Variants in EPHA5 observed in about 807,000 individuals in gnomAD.
EPHA5 encodes the protein ephrin type-A receptor 5.
A neutral mutation model predicts 105.0 loss-of-function variants in EPHA5; 60 were observed. That is an observed-to-expected ratio of 0.57 (90% CI 0.46 to 0.71). The LOEUF (loss-of-function observed/expected upper bound fraction) is 0.71, where lower values mean the gene tolerates loss of function less well. Among genes scored for constraint, EPHA5 ranks in the 30% least tolerant of loss-of-function variants. The pLI is 0.00. For missense variants in EPHA5, 1,218 were observed against 1,274.7 expected (o/e 0.96, Z 0.68); for synonymous variants, 513 against 449.1 (o/e 1.14, Z -1.80).
chr4:65,440,868 A>AGAGCAAAGAAATTGAGGAGGCTGCTTT (rs1354802417), intron 5 of EPHA5, among the ~76,000 whole-genome samples: 2 of 152,108 alleles, frequency 1.3e-5, no homozygotes, highest in African/African-American at 4.8e-5. Flanking sequence ...TTGGGGAAGA[A>AGAGCAAAGAAATTGAGGAGGCTGCTTT]GAGCAAAGAA....
At chr4:65,352,996 A>G (rs934937315) in intron 12 of EPHA5, 46 bp downstream of exon 12, 2 of 1,306,714 alleles carry the variant, frequency 1.5e-6, no homozygotes, top group Non-Finnish European at 2.1e-6. Flanking sequence ...CAACATCACA[A>G]TATATAAATA....
Position 65,495,424 on chromosome 4 carries a change from T to C in EPHA5, c.1030A>G (p.Arg344Gly), listed in dbSNP as rs1731828750. The C allele has an allele frequency of 1.2e-6, 2 of 1,613,606 alleles. No individual in the cohort carries two copies. The change falls in exon 4 of 17, where the codon AGG becomes GGG. Residue 344 changes from arginine to glycine, a missense_variant. By Grantham distance (125) the Arg-to-Gly change is moderately radical. This residue lies in a region of EPHA5 where 971 missense variants were observed against 1,013.5 expected (regional missense o/e 0.96). Transcript: ENST00000613740. Reference protein sequence around the residue: ...TSCVCEKDYFRRESDPPTMAC... With the variant: ...TSCVCEKDYFGRESDPPTMAC... ...ATTGTGGGTGGATCAGACTCTCTCC[T>C]GAAATAATCCTTTTCACAGACACAA...
At chr4:65,621,003 T>A (rs1381424139) in intron 2 of EPHA5, among the ~76,000 whole-genome samples, 1 of 152,174 alleles carries the variant, frequency 6.6e-6, no homozygotes. Context: ...CAGACATTTA[T>A]ATGTATCTCT....
At chr4:65,635,596 A>G (rs1034703113) in intron 2 of EPHA5, among the ~76,000 whole-genome samples, 3 of 152,114 alleles carry the variant, frequency 2.0e-5, no homozygotes, top group Non-Finnish European at 4.4e-5. Context: ...ACAACAGCTT[A>G]CAGAAAAAAA....
chr4:65,592,660 G>A (rs912961748), intron 3 of EPHA5, among the ~76,000 whole-genome samples: 40 of 152,066 alleles, frequency 2.6e-4, no homozygotes, highest in African/African-American at 9.4e-4. Context: ...GTGAGGTTTC[G>A]GGATGCAAAT....
chr4:65,565,019 T>C (rs1377664731), intron 3 of EPHA5, among the ~76,000 whole-genome samples: 2 of 151,714 alleles, frequency 1.3e-5, no homozygotes, highest in Admixed American at 6.6e-5. Flanking sequence ...ATAAATATTA[T>C]ACAGTTAATT....
At chr4:65,448,140 T>C (rs1311618452) in intron 5 of EPHA5, among the ~76,000 whole-genome samples, 1 of 151,428 alleles carries the variant, frequency 6.6e-6, no homozygotes, top group East Asian at 1.9e-4. Context: ...GAAAGTAAGA[T>C]GATGTATAAA....
intron 6 of EPHA5, among the ~76,000 whole-genome samples, chr4:65,418,253 A>G (rs1723582980): frequency 6.6e-6 from 1 of 152,204 alleles, no homozygotes; most frequent in Non-Finnish European, 1.5e-5. Context: ...GCATCAGTAT[A>G]GAGTAACAAA....
At chr4:65,465,480 A>AG (rs1728555312) in intron 5 of EPHA5, among the ~76,000 whole-genome samples, 1 of 85,116 alleles carries the variant, frequency 1.2e-5, no homozygotes, top group South Asian at 3.7e-4. Context: ...AGAAAGAAAG[A>AG]AAGAAAGAAA....
At chr4:65,635,211 GT>G (rs2149498235) in intron 2 of EPHA5, among the ~76,000 whole-genome samples, 1 of 152,160 alleles carries the variant, frequency 6.6e-6, no homozygotes, top group Admixed American at 6.6e-5. Flanking sequence ...ATAAACTCCT[GT>G]TTTGAAGTAT....
intron 15 of EPHA5, among the ~76,000 whole-genome samples, chr4:65,333,539 CTGTGTGTGTGTG>C (rs56925203): frequency 0.3 from 33,433 of 111,512 alleles, 4,891 homozygotes; most frequent in East Asian, 0.48. Context: ...GAGTGTGTGT[CTGTGTGTGTGTG>C]TGTGTGTGTG....
At chr4:65,378,819 CAAT>C (rs1238919270) in intron 8 of EPHA5, among the ~76,000 whole-genome samples, 1 of 151,630 alleles carries the variant, frequency 6.6e-6, no homozygotes, top group Non-Finnish European at 1.5e-5. Context: ...GGTTTAAACA[CAAT>C]GATTGACACT....
At chr4:65,590,199 T>C (rs896544507) in intron 3 of EPHA5, among the ~76,000 whole-genome samples, 2 of 152,168 alleles carry the variant, frequency 1.3e-5, no homozygotes, top group Non-Finnish European at 2.9e-5. Flanking sequence ...TTTTCTTTTA[T>C]AAACTACACC....
chr4:65,466,413 C>G (rs1303496047), intron 5 of EPHA5, among the ~76,000 whole-genome samples: 1 of 152,128 alleles, frequency 6.6e-6, no homozygotes, highest in East Asian at 1.9e-4. Flanking sequence ...TGATAAAGTT[C>G]CAGAACCTGT....
At chr4:65,629,000 G>A (rs925038298) in intron 2 of EPHA5, among the ~76,000 whole-genome samples, 1 of 152,072 alleles carries the variant, frequency 6.6e-6, no homozygotes, top group Non-Finnish European at 1.5e-5. Context: ...TCCATTATCT[G>A]TGTTCTAGAT....
chr4:65,468,018 T>C (rs188094266), intron 5 of EPHA5, among the ~76,000 whole-genome samples: 45 of 152,298 alleles, frequency 3.0e-4, no homozygotes, highest in African/African-American at 1.0e-3. Context: ...AACACAGTCC[T>C]GCTGACACCT....
At chr4:65,569,563 A>G (rs1405028778) in intron 3 of EPHA5, among the ~76,000 whole-genome samples, 2 of 151,766 alleles carry the variant, frequency 1.3e-5, no homozygotes, top group Non-Finnish European at 3.0e-5. Flanking sequence ...GATAAATTAA[A>G]AGACATTAAA....
At chr4:65,502,522 G>A (rs1309387861) in intron 3 of EPHA5, among the ~76,000 whole-genome samples, 1 of 151,814 alleles carries the variant, frequency 6.6e-6, no homozygotes, top group African/African-American at 2.4e-5. Flanking sequence ...ACCAATCGGA[G>A]AGATGCAAAT....
intron 2 of EPHA5, among the ~76,000 whole-genome samples, chr4:65,634,975 C>T (rs979819940): frequency 1.3e-5 from 2 of 152,038 alleles, no homozygotes; most frequent in African/African-American, 2.4e-5. Context: ...ACACAAAACA[C>T]GCACACAAAC....
Sources: gnomAD v4.1 joint callset for allele counts (sites outside exome capture counted in the v4.1 genomes callset) on GRCh38, gnomAD v4.1.1 for gene constraint, gnomAD v4.1.1 regional missense constraint, MANE v1.5 for transcripts, NCBI Gene and HGNC (gene_info 2026-07-23, HGNC 2026-07-21) for gene names.